PKHD1: variants seen among roughly 807,000 people sequenced by gnomAD.
The protein encoded by PKHD1 is PKHD1 ciliary IPT domain containing fibrocystin/polyductin, also known as fibrocystin.
PKHD1 carries 291 observed loss-of-function variants against 412.0 expected under a neutral mutation model. That is an observed-to-expected ratio of 0.71 (90% CI 0.64 to 0.78). The LOEUF (loss-of-function observed/expected upper bound fraction) is 0.78. PKHD1 is among the 30% of genes least tolerant of loss of function. The pLI, the probability that PKHD1 is intolerant of heterozygous loss-of-function variation, is 0.00. For synonymous variants in PKHD1, 1,777 were observed against 1,821.5 expected, an observed-to-expected ratio of 0.98 and a Z score of 0.62; for missense variants, 4,825 against 4,950.7, an observed-to-expected ratio of 0.97 and a Z score of 0.76.
At chr6:51,716,482 G>T (rs772224015) in intron 60 of PKHD1, among the ~76,000 whole-genome samples, 1 of 152,014 alleles carries the variant, frequency 6.6e-6, no homozygotes, top group African/African-American at 2.4e-5. Context: ...CTCACTTCAG[G>T]GTCACAAAAG....
intron 34 of PKHD1, 81 bp downstream of exon 34, chr6:52,017,329 A>G (rs2128129833): frequency 9.7e-7 from 1 of 1,029,438 alleles, no homozygotes; most frequent in South Asian, 1.3e-5. Flanking sequence ...ACATCCACCC[A>G]GCCTACACTC....
chr6:51,897,790 A>G (rs1336994443), intron 43 of PKHD1, among the ~76,000 whole-genome samples: 1 of 143,968 alleles, frequency 6.9e-6, no homozygotes, highest in Admixed American at 7.0e-5. Flanking sequence ...AGAGACACAC[A>G]TAGGCTCAAA....
chr6:52,001,504 A>C (rs1359644742), intron 35 of PKHD1, among the ~76,000 whole-genome samples: 3 of 149,950 alleles, frequency 2.0e-5, no homozygotes, highest in Non-Finnish European at 4.4e-5. Flanking sequence ...ATCTCAGCTC[A>C]CTGCAAGCTC....
chr6:51,750,658 C>T (rs988286927), intron 57 of PKHD1, among the ~76,000 whole-genome samples: 1 of 152,078 alleles, frequency 6.6e-6, no homozygotes, highest in Non-Finnish European at 1.5e-5. Flanking sequence ...CTTATGCTTC[C>T]ATGGATTTGA....
At chr6:51,621,906 G>T (rs1766669326) in intron 66 of PKHD1, 1 of 152,150 alleles carries the variant, frequency 6.6e-6, no homozygotes, top group Non-Finnish European at 1.5e-5. Context: ...TGAATGTTTG[G>T]GTTTTAGGGA....
intron 2 of PKHD1, among the ~76,000 whole-genome samples, chr6:52,084,068 T>C (rs537803894): frequency 1.3e-5 from 2 of 152,262 alleles, no homozygotes; most frequent in African/African-American, 2.4e-5. Context: ...TATCCCTCCA[T>C]CTTTGAAGAT....
intron 60 of PKHD1, among the ~76,000 whole-genome samples, chr6:51,693,114 T>G (rs970747565): frequency 6.6e-6 from 1 of 152,172 alleles, no homozygotes; most frequent in African/African-American, 2.4e-5. Context: ...TCAACACATA[T>G]GTCCCCTGCA....
At chr6:51,932,252 C>T (rs1308703267) in intron 37 of PKHD1, among the ~76,000 whole-genome samples, 1 of 152,176 alleles carries the variant, frequency 6.6e-6, no homozygotes, top group Non-Finnish European at 1.5e-5. Context: ...AATACAGGCA[C>T]AAAAGGTATA....
At chr6:51,676,946 A>G (rs72892139) in intron 60 of PKHD1, among the ~76,000 whole-genome samples, 1 of 152,160 alleles carries the variant, frequency 6.6e-6, no homozygotes, top group African/African-American at 2.4e-5. Flanking sequence ...TGATGTTCTT[A>G]AGCAGAATAG....
chr6:51,738,154 C>T lies in PKHD1; in HGVS notation c.10156+6231G>A, dbSNP rs557446968. On this transcript the variant is annotated intron_variant, in intron 60 of 66. Transcript: ENST00000371117. ...GTGGAGCAGCTACCTCCAAGCCCCA[C>T]CTGCTCCCCTTCCACCTGCACAGCT... Among the ~76,000 whole-genome samples the T allele has an allele frequency of 5.6e-3, 853 of 152,330 alleles. 24 individuals are homozygous for T. Among genetic ancestry groups the T allele is most frequent in the Non-Finnish European group, 2.1e-3 (142 of 68,032 alleles).
At chr6:51,942,543 T>C (rs1788756773) in intron 36 of PKHD1, among the ~76,000 whole-genome samples, 1 of 151,556 alleles carries the variant, frequency 6.6e-6, no homozygotes, top group Non-Finnish European at 1.5e-5. Context: ...CAATTACCAC[T>C]GTTCCTGGCC....
chr6:51,855,659 C>T (rs1379394909), intron 49 of PKHD1, among the ~76,000 whole-genome samples: 1 of 152,154 alleles, frequency 6.6e-6, no homozygotes, highest in Non-Finnish European at 1.5e-5. Context: ...TCTGCATTCA[C>T]AATAACACAT....
chr6:52,061,909 T>C (rs1282610880), intron 14 of PKHD1, among the ~76,000 whole-genome samples: 2 of 152,200 alleles, frequency 1.3e-5, no homozygotes, highest in Non-Finnish European at 2.9e-5. Flanking sequence ...TTAAGTTTAC[T>C]TTAGAATACT....
intron 51 of PKHD1, among the ~76,000 whole-genome samples, chr6:51,832,565 G>A (rs1582933585): frequency 6.6e-6 from 1 of 152,148 alleles, no homozygotes; most frequent in East Asian, 1.9e-4. Context: ...GTGCCATAGG[G>A]CATTCAGGGT....
At chr6:51,783,954 G>A (rs988502202) in intron 53 of PKHD1, among the ~76,000 whole-genome samples, 1 of 152,124 alleles carries the variant, frequency 6.6e-6, no homozygotes, top group Non-Finnish European at 1.5e-5. Context: ...GAGATTGAAT[G>A]TTTTCCAAGA....
At chr6:51,835,869 T>G (rs184208489) in intron 51 of PKHD1, among the ~76,000 whole-genome samples, 51 of 152,340 alleles carry the variant, frequency 3.3e-4, no homozygotes, top group Admixed American at 2.6e-3. Context: ...TTATTCCTCT[T>G]GCAAATGTAT....
chr6:51,931,161 T>C (rs1038858083), intron 37 of PKHD1, among the ~76,000 whole-genome samples: 1 of 152,090 alleles, frequency 6.6e-6, no homozygotes, highest in African/African-American at 2.4e-5. Context: ...TCTCTGAGTA[T>C]AGTCAATAGG....
In PKHD1 at chr6:51,645,547, C is replaced by A. The variant is rs62461288; in HGVS notation, c.11398+2484G>T. ...AGCTGGGATTACAGGCGCATGCCCA[C>A]CATGCCCGGCTAATTTTTGCATTTT... On this transcript the variant is annotated intron_variant, in intron 63 of 66. Transcript: ENST00000371117. 9.9e-4 allele frequency among the ~76,000 whole-genome samples: 151 copies of A among 152,232 alleles called. 1 individual carries two copies. Among genetic ancestry groups the A allele is most frequent in the Non-Finnish European group, 1.7e-3 (115 of 68,022 alleles).
intron 36 of PKHD1, among the ~76,000 whole-genome samples, chr6:51,954,837 C>T (rs562728344): frequency 1.5e-4 from 23 of 152,056 alleles, no homozygotes; most frequent in African/African-American, 5.5e-4. Context: ...TAATCATTAT[C>T]GTTACACTAC....
Sources: allele counts gnomAD v4.1 joint callset (sites outside exome capture counted in the v4.1 genomes callset), GRCh38; gene constraint gnomAD v4.1.1; transcripts MANE v1.5; gene names NCBI Gene and HGNC (gene_info 2026-07-23, HGNC 2026-07-21).